PCDH11X: variants seen among roughly 807,000 people sequenced by gnomAD.
PCDH11X encodes the protein protocadherin 11 X-linked, also known as protocadherin-11 X-linked.
A neutral mutation model predicts 53.3 loss-of-function variants in PCDH11X; 18 were observed. The ratio of observed to expected loss-of-function variants is 0.34; its 90% CI spans 0.23 to 0.50. The LOEUF is 0.50. Ranked by LOEUF, PCDH11X falls within the 20% of genes least tolerant of loss-of-function variation. PCDH11X has a pLI of 0.98. For missense variants in PCDH11X, 570 were observed against 1,032.4 expected, an observed-to-expected ratio of 0.55 and a Z score of 6.14; for synonymous variants, 279 against 393.3, an observed-to-expected ratio of 0.71 and a Z score of 3.44.
chrX:92,506,216 C>CTTTTTTTTT (rs1180678297), intron 10 of PCDH11X, among the ~76,000 whole-genome samples: 24 of 40,196 alleles, frequency 6.0e-4, no homozygotes, highest in African/African-American at 7.5e-4. Flanking sequence ...CTTTTCTTTT[C>CTTTTTTTTT]TTTTTTTTTT....
intron 6 of PCDH11X, among the ~76,000 whole-genome samples, chrX:91,991,370 G>A (rs1426192640): frequency 2.6e-5 from 1 of 38,483 alleles, no homozygotes; most frequent in Non-Finnish European, 4.6e-5. Flanking sequence ...TTTTTTTTTT[G>A]GTCTGTTGGT....
At chrX:92,458,995 A>C (rs2072973453) in intron 9 of PCDH11X, among the ~76,000 whole-genome samples, 1 of 111,474 alleles carries the variant, frequency 9.0e-6, no homozygotes, top group African/African-American at 3.3e-5. Context: ...ATTTTCATCA[A>C]AAGCGTAGGA....
At chrX:92,254,595 T>C (rs2067527455) in intron 7 of PCDH11X, among the ~76,000 whole-genome samples, 1 of 110,239 alleles carries the variant, frequency 9.1e-6, no homozygotes, top group African/African-American at 3.3e-5. Flanking sequence ...TTCCTTTCCA[T>C]GTTTAGCACT....
chrX:92,256,803 C>T (rs2067598994), intron 7 of PCDH11X, among the ~76,000 whole-genome samples: 1 of 110,431 alleles, frequency 9.1e-6, no homozygotes, highest in Admixed American at 9.7e-5. Flanking sequence ...TAAGTGAGAA[C>T]ATGTGGTATT....
At chrX:92,588,395 T>C (rs1236627670) in intron 10 of PCDH11X, among the ~76,000 whole-genome samples, 1 of 102,606 alleles carries the variant, frequency 9.7e-6, no homozygotes, top group Non-Finnish European at 2.0e-5. Flanking sequence ...TATATATGGA[T>C]GTACATATAT....
chrX:92,580,597 A>G (rs1569506877), intron 10 of PCDH11X, among the ~76,000 whole-genome samples: 1 of 110,425 alleles, frequency 9.1e-6, no homozygotes, highest in Non-Finnish European at 1.9e-5. Flanking sequence ...ACAGGCCGGG[A>G]AAAAAAAGCC....
chrX:92,484,493 G>C (rs1199031564), intron 10 of PCDH11X, among the ~76,000 whole-genome samples: 11 of 106,323 alleles, frequency 1.0e-4, no homozygotes, highest in African/African-American at 3.8e-4. Context: ...GGCCATGTTT[G>C]CCAGAATAAG....
rs778211553 is a variant in PCDH11X, at chrX:92,479,827, G to A, written c.3367+11505G>A. 7.3e-5 allele frequency among the ~76,000 whole-genome samples: 8 copies of A among 109,118 alleles called. No homozygotes were observed. The South Asian group carries it at 2.4e-3, about 33-fold the overall frequency. The allele number at this position is 109,118 out of a possible 115,157, so 94.8% of individuals were successfully genotyped here. ...CTTGGAGAATCTGATGATTGTGTTC[G>A]GAATGATTTTCTTGTAAAGTATCTT... On this transcript the variant is annotated intron_variant, in intron 10 of 10. Coordinates refer to ENST00000682573, the MANE Select transcript of PCDH11X (RefSeq NM_032968.5).
chrX:92,392,003 T>C (rs2071139118), intron 9 of PCDH11X, among the ~76,000 whole-genome samples: 1 of 111,162 alleles, frequency 9.0e-6, no homozygotes, highest in Non-Finnish European at 1.9e-5. Flanking sequence ...ATTTTAATTT[T>C]CTTCAACTGA....
At chrX:92,576,106 C>T (rs1235208793) in intron 10 of PCDH11X, among the ~76,000 whole-genome samples, 1 of 99,626 alleles carries the variant, frequency 1.0e-5, no homozygotes, top group Non-Finnish European at 2.0e-5. Context: ...TCATTACATC[C>T]TCTTGCTGAA....
intron 6 of PCDH11X, among the ~76,000 whole-genome samples, chrX:92,035,427 A>C (rs1174534342): frequency 1.8e-5 from 2 of 108,630 alleles, no homozygotes; most frequent in African/African-American, 3.4e-5. Context: ...TATCTGGTAA[A>C]AGTTTTTTCC....
At chrX:92,120,121 A>AGAATG (rs1339601381) in intron 6 of PCDH11X, among the ~76,000 whole-genome samples, 1 of 107,292 alleles carries the variant, frequency 9.3e-6, no homozygotes, top group African/African-American at 3.4e-5. Flanking sequence ...GATGACTTGT[A>AGAATG]GAATGGAATG....
At chrX:92,195,113 G>C (rs774216709) in intron 6 of PCDH11X, among the ~76,000 whole-genome samples, 4 of 111,211 alleles carry the variant, frequency 3.6e-5, no homozygotes, top group African/African-American at 1.3e-4. Context: ...TTATAAGAGC[G>C]ATACAACCAT....
At chrX:92,324,180 A>G (rs2148496363) in intron 8 of PCDH11X, among the ~76,000 whole-genome samples, 1 of 106,663 alleles carries the variant, frequency 9.4e-6, no homozygotes, top group East Asian at 3.0e-4. Flanking sequence ...GGAGTGTGCT[A>G]TTTCTAGTAC....
At chrX:91,964,436 G>A (rs2061836664) in intron 6 of PCDH11X, among the ~76,000 whole-genome samples, 1 of 111,022 alleles carries the variant, frequency 9.0e-6, no homozygotes, top group Admixed American at 9.6e-5. Flanking sequence ...ATATTGCAAG[G>A]TTTTATCCAG....
At chrX:92,111,209 C>A (rs2064497279) in intron 6 of PCDH11X, among the ~76,000 whole-genome samples, 1 of 49,591 alleles carries the variant, frequency 2.0e-5, no homozygotes, top group Admixed American at 5.4e-4. Context: ...GGATTTGAAT[C>A]ACCTAACGCT....
intron 8 of PCDH11X, among the ~76,000 whole-genome samples, chrX:92,286,563 T>C (rs1218921870): frequency 9.8e-6 from 1 of 102,093 alleles, no homozygotes; most frequent in African/African-American, 3.6e-5. Flanking sequence ...TCAGGTCTCT[T>C]CCTTCAAAGA....
chrX:92,154,757 G>A (rs1272762729), intron 6 of PCDH11X, among the ~76,000 whole-genome samples: 4 of 106,088 alleles, frequency 3.8e-5, no homozygotes, highest in African/African-American at 1.0e-4. Context: ...GGCCAGAGCC[G>A]TCGGAGAAAA....
intron 10 of PCDH11X, among the ~76,000 whole-genome samples, chrX:92,475,693 G>C: frequency 9.0e-6 from 1 of 111,308 alleles, no homozygotes; most frequent in Non-Finnish European, 1.9e-5. Context: ...TGTTCTTTGG[G>C]CTTCTTATAC....
Sources: allele counts gnomAD v4.1 joint callset (sites outside exome capture counted in the v4.1 genomes callset), GRCh38; gene constraint gnomAD v4.1.1; transcripts MANE v1.5; gene names NCBI Gene and HGNC (gene_info 2026-07-23, HGNC 2026-07-21).